The following MPDZ variants were observed in gnomAD, a reference collection of about 807,000 sequenced individuals.
MPDZ encodes the protein multiple PDZ domain crumbs cell polarity complex component, also known as multiple PDZ domain protein.
A neutral mutation model predicts 239.1 loss-of-function variants in MPDZ; 234 were observed. The observed-to-expected ratio is 0.98, with a 90% CI of 0.88 to 1.09. The LOEUF is 1.09. MPDZ is among the 50% of genes least tolerant of loss of function. The pLI, the probability that MPDZ is intolerant of heterozygous loss-of-function variation, is 0.00. For missense variants in MPDZ, 3,175 were observed against 2,510.0 expected, an observed-to-expected ratio of 1.26 and a Z score of -5.66; for synonymous variants, 1,048 against 881.3, an observed-to-expected ratio of 1.19 and a Z score of -3.35.
At chr9:13,109,385 A>C (rs1026824668) in intron 45 of MPDZ, among the ~76,000 whole-genome samples, 7 of 152,216 alleles carry the variant, frequency 4.6e-5, no homozygotes, top group African/African-American at 1.7e-4. Context: ...AGAGGGCTAA[A>C]GTTCAGGGGA....
intron 18 of MPDZ, 95 bp downstream of exon 18, chr9:13,186,175 C>A (rs1455337841): frequency 1.7e-6 from 1 of 573,060 alleles, no homozygotes; most frequent in South Asian, 7.3e-5. Flanking sequence ...TAATAATGAA[C>A]AAAGAATATA....
At chr9:13,194,346 C>T (rs572877519) in intron 13 of MPDZ, among the ~76,000 whole-genome samples, 1 of 151,808 alleles carries the variant, frequency 6.6e-6, no homozygotes, top group Non-Finnish European at 1.5e-5. Flanking sequence ...TGTATATACA[C>T]CATGGAATAC....
chr9:13,221,275 T>C (rs1471920754), intron 7 of MPDZ, 97 bp downstream of exon 7: 9 of 1,340,054 alleles, frequency 6.7e-6, no homozygotes, highest in East Asian at 2.5e-5. Context: ...TTTGGCATCA[T>C]TTAAGGCCAA....
intron 28 of MPDZ, among the ~76,000 whole-genome samples, chr9:13,139,743 T>G (rs1947357364): frequency 6.6e-6 from 1 of 152,152 alleles, no homozygotes; most frequent in African/African-American, 2.4e-5. Context: ...CTGTCCTTAT[T>G]AATTCTCATA....
intron 3 of MPDZ, among the ~76,000 whole-genome samples, chr9:13,225,233 T>G (rs1161822329): frequency 2.6e-5 from 4 of 152,098 alleles, no homozygotes; most frequent in African/African-American, 9.7e-5. Context: ...AAAAAAAAGT[T>G]ACAGTAAGCT....
chr9:13,133,819 T>C lies in MPDZ; in HGVS notation c.4464+5A>G. ...TCATTTCATTCCAATTCAAAGCAGATTTACCTTGGGAAGCTCCAGATGTTG... is the reference window on the plus strand; with the variant it reads ...TCATTTCATTCCAATTCAAAGCAGACTTACCTTGGGAAGCTCCAGATGTTG... On this transcript the variant is annotated splice_donor_5th_base_variant and intron_variant, in intron 32 of 46. Coordinates refer to ENST00000319217, the MANE Select transcript of MPDZ (RefSeq NM_001378778.1). The C allele has an allele frequency of 1.9e-6, 3 of 1,581,166 alleles. No individual in the cohort carries two copies. The highest frequency in any genetic ancestry group is 1.1e-5 in the South Asian group (1 of 89,360).
rs1473297522 is a variant in MPDZ at position 13,133,843 on chromosome 9, T to C, written c.4445A>G (p.Gln1482Arg). ...AVDLSSFKNVQHLELPKDQGG... is the reference protein window; with the variant it reads ...AVDLSSFKNVRHLELPKDQGG... ...ATTTACCTTGGGAAGCTCCAGATGTTGCACATTTTTAAATGAACTGAGGTC... is the reference window on the plus strand; with the variant it reads ...ATTTACCTTGGGAAGCTCCAGATGTCGCACATTTTTAAATGAACTGAGGTC... The change falls in exon 32 of 47, where the codon CAA becomes CGA. Residue 1482 changes from glutamine (Q) to arginine (R), a missense_variant. By Grantham distance (43) the Gln-to-Arg change is conservative. Transcript: ENST00000319217. The C allele has an allele frequency of 6.2e-7, 1 of 1,604,730 alleles. No individual in the cohort carries two copies. Among genetic ancestry groups the C allele is most frequent in the South Asian group, 1.1e-5 (1 of 90,164 alleles).
Position 13,106,866 on chromosome 9 carries a change from A to T in MPDZ, c.*99T>A. On this transcript the variant is annotated 3_prime_UTR_variant, in exon 47 of 47. Coordinates refer to ENST00000319217, the MANE Select transcript of MPDZ (RefSeq NM_001378778.1). ...TTATTTCCCCCCTACAGTTTTGAAG[A>T]CCCGGCTGAACACAGCATAAAAATT... 1.5e-6 allele frequency: 2 copies of T among 1,340,672 alleles called. No homozygotes were observed. The highest frequency in any genetic ancestry group is 2.1e-6 in the Non-Finnish European group (2 of 975,034). 83.0% of individuals were successfully genotyped at this position (1,340,672 alleles called of 1,614,324 possible). A position where few individuals can be genotyped will look rare whatever the true frequency, so the allele number is the denominator to read the frequency against.
At chr9:13,237,577 G>A (rs1018393925) in intron 3 of MPDZ, among the ~76,000 whole-genome samples, 13 of 148,746 alleles carry the variant, frequency 8.7e-5, no homozygotes, top group Admixed American at 6.7e-5. Flanking sequence ...TTTTTGTATC[G>A]TATTTGAAAA....
chr9:13,143,280 T>C (rs1279445990), intron 27 of MPDZ, among the ~76,000 whole-genome samples, 186 bp downstream of exon 27: 1 of 152,054 alleles, frequency 6.6e-6, no homozygotes, highest in Non-Finnish European at 1.5e-5. Context: ...TAAAAATAAA[T>C]ATTCTCTGGC....
chr9:13,200,095 G>A (rs1447802852), intron 12 of MPDZ, among the ~76,000 whole-genome samples: 1 of 151,806 alleles, frequency 6.6e-6, no homozygotes, highest in Non-Finnish European at 1.5e-5. Flanking sequence ...TCTTTAATTA[G>A]AGACTTTTTA....
chr9:13,250,572 AC>A (rs1434538072), intron 1 of MPDZ, among the ~76,000 whole-genome samples, 200 bp from the exon 2 acceptor site: 2 of 152,222 alleles, frequency 1.3e-5, no homozygotes, highest in Non-Finnish European at 2.9e-5. Context: ...GTATATATTT[AC>A]CCATAATACT....
At chr9:13,200,810 AGACTTGTTTTGT>A (rs1956292323) in intron 12 of MPDZ, among the ~76,000 whole-genome samples, 1 of 152,074 alleles carries the variant, frequency 6.6e-6, no homozygotes, top group African/African-American at 2.4e-5. Flanking sequence ...AGATTTATAA[AGACTTGTTTTGT>A]GACCTAATAT....
chr9:13,219,409 T>C, intron 8 of MPDZ, 150 bp downstream of exon 8: 1 of 667,682 alleles, frequency 1.5e-6, no homozygotes, highest in Non-Finnish European at 2.5e-6. Context: ...AAAATATCAT[T>C]AGTGCTAAAG....
intron 8 of MPDZ, 25 bp downstream of exon 8, chr9:13,219,534 A>G: frequency 6.3e-7 from 1 of 1,596,534 alleles, no homozygotes; most frequent in Non-Finnish European, 8.6e-7. Context: ...TCTGACTTTC[A>G]CATTAACTAC....
chr9:13,182,375 T>C (rs1237361265), intron 19 of MPDZ, among the ~76,000 whole-genome samples: 4 of 152,140 alleles, frequency 2.6e-5, no homozygotes, highest in African/African-American at 9.6e-5. Flanking sequence ...CTCTCTTTCC[T>C]CATAATATGT....
In MPDZ at chr9:13,196,094, A is replaced by C. The variant is rs766885958; in HGVS notation, c.1656+27T>G. On this transcript the variant is annotated intron_variant, in intron 13 of 46. Transcript: ENST00000319217. ...CTGCTCAAATACAGTTACAAGTTAG[A>C]AAATTACAGAAGGTCAGCTAACCTA... 9 of 1,465,024 alleles carry C rather than the reference A, an allele frequency of 6.1e-6. No individual in the cohort carries two copies. The African/African-American group carries it at 1.1e-4, about 18-fold the overall frequency. The allele number at this position is 1,465,024 out of a possible 1,614,324, so 90.8% of individuals were successfully genotyped here.
At chr9:13,224,050 C>T (rs142109801) in intron 4 of MPDZ, among the ~76,000 whole-genome samples, 1 of 151,596 alleles carries the variant, frequency 6.6e-6, no homozygotes, top group Non-Finnish European at 1.5e-5. Context: ...AACTTAAAAG[C>T]CAATTACTGC....
In MPDZ at chr9:13,106,906, A is replaced by C; in HGVS notation, c.*59T>G. 1 of 1,582,800 alleles carries C rather than the reference A, an allele frequency of 6.3e-7. No individual in the cohort carries two copies. Among genetic ancestry groups the C allele is most frequent in the Non-Finnish European group, 8.7e-7 (1 of 1,155,072 alleles). On this transcript the variant is annotated 3_prime_UTR_variant, in exon 47 of 47. Transcript: ENST00000319217. ...GCATAAAAATTGTCAGGACCAGTGC[A>C]TTCTCTTTACAGTAGGAGGTGAGCT... is the stretch of plus-strand genomic sequence containing the variant.
Sources: gnomAD v4.1 joint callset for allele counts (sites outside exome capture counted in the v4.1 genomes callset) on GRCh38, gnomAD v4.1.1 for gene constraint, MANE v1.5 for transcripts, NCBI Gene and HGNC (gene_info 2026-07-23, HGNC 2026-07-21) for gene names.